The following C12orf42 variants were observed in gnomAD, a reference collection of about 807,000 sequenced individuals.
The protein encoded by C12orf42 is uncharacterized protein C12orf42.
C12orf42 carries 25 observed loss-of-function variants against 21.6 expected under a neutral mutation model. That is an observed-to-expected ratio of 1.16 (90% CI 0.84 to 1.62). The LOEUF is 1.62. C12orf42 is among the 40% of genes most tolerant of loss of function. The probability of loss-of-function intolerance (pLI) is 0.00; values close to 1 mark genes in which losing one functional copy is unlikely to be tolerated. For synonymous variants in C12orf42, 174 were observed against 175.0 expected (o/e 0.99, Z 0.05); for missense variants, 483 against 459.3 (o/e 1.05, Z -0.47).
chr12:103,172,770 C>G, the C12orf42 span, among the ~76,000 whole-genome samples: 3 of 152,040 alleles, frequency 2.0e-5, no homozygotes, highest in African/African-American at 4.8e-5. Context: ...GAATTTTATC[C>G]AAAAGAAGAA....
the C12orf42 span, among the ~76,000 whole-genome samples, chr12:103,155,700 T>TTGTATATATACATATACAAG: frequency 6.5e-5 from 5 of 77,044 alleles, no homozygotes; most frequent in African/African-American, 2.7e-4. Flanking sequence ...ATACACATAC[T>TTGTATATATACATATACAAG]TGTATATATA....
the C12orf42 span, among the ~76,000 whole-genome samples, chr12:103,207,719 A>C: frequency 2.6e-5 from 4 of 152,204 alleles, no homozygotes; most frequent in Admixed American, 2.0e-4. Flanking sequence ...AGTGACTGCT[A>C]TCTAAATCCA....
At chr12:103,464,378 G>A (rs937297851) in intron 2 of C12orf42, among the ~76,000 whole-genome samples, 6 of 150,380 alleles carry the variant, frequency 4.0e-5, no homozygotes, top group Admixed American at 2.7e-4. Flanking sequence ...CTTCTTTTGA[G>A]AAGTGTCTGT....
upstream of C12orf42, among the ~76,000 whole-genome samples, chr12:103,496,509 A>T (rs146819670): frequency 6.4e-3 from 969 of 152,274 alleles, 12 homozygotes; most frequent in African/African-American, 0.022. Flanking sequence ...CTGGTCAAGG[A>T]CATTTAGCTG....
the C12orf42 span, among the ~76,000 whole-genome samples, chr12:103,054,211 T>A: frequency 2.0e-5 from 3 of 151,886 alleles, no homozygotes; most frequent in Non-Finnish European, 4.4e-5. Flanking sequence ...AGTCTTTCAA[T>A]CCATGATCAT....
intron 4 of C12orf42, among the ~76,000 whole-genome samples, chr12:103,325,398 C>T (rs1301462467): frequency 2.0e-5 from 3 of 152,222 alleles, no homozygotes; most frequent in African/African-American, 7.2e-5. Flanking sequence ...AATTATGTGG[C>T]TCAAAGTGCA....
At chr12:103,249,996 G>T (rs1311954461) in intron 10 of C12orf42, among the ~76,000 whole-genome samples, 1 of 152,046 alleles carries the variant, frequency 6.6e-6, no homozygotes, top group East Asian at 1.9e-4. Context: ...AGTTTCTGCA[G>T]TTAGACTCAT....
chr12:103,218,762 T>G, the C12orf42 span, among the ~76,000 whole-genome samples: 1 of 152,210 alleles, frequency 6.6e-6, no homozygotes, highest in African/African-American at 2.4e-5. Context: ...GAAAAGCTAT[T>G]TGTCCTTTCT....
chr12:103,369,694 A>C (rs903244831), intron 3 of C12orf42, among the ~76,000 whole-genome samples: 1 of 152,136 alleles, frequency 6.6e-6, no homozygotes, highest in Non-Finnish European at 1.5e-5. Flanking sequence ...TGGATAAACA[A>C]TATGAAATAA....
At chr12:103,547,258 G>A in the C12orf42 span, among the ~76,000 whole-genome samples, 6 of 152,256 alleles carry the variant, frequency 3.9e-5, no homozygotes, top group East Asian at 1.2e-3. Context: ...AAATTTCTCA[G>A]TCTCGCTAGC....
At chr12:103,343,504 C>T (rs1473929207) in intron 4 of C12orf42, among the ~76,000 whole-genome samples, 1 of 152,128 alleles carries the variant, frequency 6.6e-6, no homozygotes, top group Non-Finnish European at 1.5e-5. Flanking sequence ...TGAGGCCGGG[C>T]ATGGTGGCTC....
At chr12:103,293,120 T>C (rs1481032222) in intron 4 of C12orf42, among the ~76,000 whole-genome samples, 2 of 152,020 alleles carry the variant, frequency 1.3e-5, no homozygotes, top group Non-Finnish European at 2.9e-5. Flanking sequence ...ACTATCAATT[T>C]CCAAAATCTC....
At chr12:103,202,027 A>C in the C12orf42 span, among the ~76,000 whole-genome samples, 1 of 152,252 alleles carries the variant, frequency 6.6e-6, no homozygotes, top group African/African-American at 2.4e-5. Context: ...TCAACAATGC[A>C]AACACCTAGT....
rs575925897 is a variant in C12orf42, at chr12:103,315,039, A to G, written c.260-8694T>C. Among the ~76,000 whole-genome samples the G allele has an allele frequency of 4.6e-5, 7 of 152,334 alleles. No homozygotes were observed. In the South Asian group the frequency reaches 1.4e-3, roughly 32 times the overall value. ...ATAGGAAAAAGAAAGAACACTGGAC[A>G]AATTTGAAGCCTCTGACCCCTGCAG... On this transcript the variant is annotated intron_variant, in intron 4 of 5. Transcript: ENST00000548883.
At chr12:103,056,000 A>G in the C12orf42 span, among the ~76,000 whole-genome samples, 2 of 152,102 alleles carry the variant, frequency 1.3e-5, no homozygotes, top group African/African-American at 2.4e-5. Flanking sequence ...ACTAAAAAGC[A>G]TCTGTATTCT....
intron 10 of C12orf42, among the ~76,000 whole-genome samples, chr12:103,249,573 G>A (rs960758764): frequency 2.0e-5 from 3 of 151,950 alleles, no homozygotes; most frequent in African/African-American, 7.2e-5. Context: ...GAATAAATAA[G>A]AAAATCTCCT....
the C12orf42 span, among the ~76,000 whole-genome samples, chr12:103,232,115 T>G: frequency 2.0e-5 from 3 of 152,216 alleles, no homozygotes; most frequent in Non-Finnish European, 4.4e-5. Context: ...TGGTGATAAG[T>G]CTGTTTAGGT....
At chr12:103,420,700 T>C (rs1459511406) in intron 2 of C12orf42, among the ~76,000 whole-genome samples, 1 of 152,156 alleles carries the variant, frequency 6.6e-6, no homozygotes, top group Non-Finnish European at 1.5e-5. Context: ...CGGTTGATTT[T>C]AGTAGAAACA....
At chr12:103,348,984 A>G (rs982738569) in intron 4 of C12orf42, 1 of 152,152 alleles carries the variant, frequency 6.6e-6, no homozygotes, top group African/African-American at 2.4e-5. Context: ...AACAGAAATC[A>G]CCTTTTATTC....
Sources: gnomAD v4.1 joint callset for allele counts (sites outside exome capture counted in the v4.1 genomes callset) on GRCh38, gnomAD v4.1.1 for gene constraint, MANE v1.5 for transcripts, NCBI Gene and HGNC (gene_info 2026-07-23, HGNC 2026-07-21) for gene names.